The following ATP2B2 variants were observed in gnomAD, a reference collection of about 807,000 sequenced individuals.
ATP2B2 encodes the protein ATPase plasma membrane Ca2+ transporting 2.
In ATP2B2, 15 loss-of-function variants were observed where a neutral mutation model predicts 120.0. The ratio of observed to expected loss-of-function variants is 0.12; its 90% CI spans 0.08 to 0.19. The LOEUF (loss-of-function observed/expected upper bound fraction) is 0.19. Ranked by LOEUF, ATP2B2 falls within the 10% of genes least tolerant of loss-of-function variation. ATP2B2 has a pLI of 1.00. For synonymous variants in ATP2B2, 694 were observed against 700.3 expected, an observed-to-expected ratio of 0.99 and a Z score of 0.14; for missense variants, 1,045 against 1,719.8, an observed-to-expected ratio of 0.61 and a Z score of 6.94.
intron 9 of ATP2B2, 78 bp from the exon 10 acceptor site, chr3:10,378,488 G>A (rs2061439948): frequency 1.3e-6 from 2 of 1,569,958 alleles, no homozygotes; most frequent in Admixed American, 1.7e-5. Flanking sequence ...GGGTGGAGAC[G>A]CTGGCACCCA....
At chr3:10,365,192 C>T (rs2061008383) in intron 12 of ATP2B2, among the ~76,000 whole-genome samples, 1 of 152,248 alleles carries the variant, frequency 6.6e-6, no homozygotes, top group Non-Finnish European at 1.5e-5. Flanking sequence ...CTGCCTCTCT[C>T]CCTGGCAGAG....
At chr3:10,341,162 A>G (rs1160782367) in intron 19 of ATP2B2, among the ~76,000 whole-genome samples, 1 of 152,018 alleles carries the variant, frequency 6.6e-6, no homozygotes, top group Non-Finnish European at 1.5e-5. Context: ...AGAGATGCCA[A>G]TTCCTATATG....
intron 1 of ATP2B2, among the ~76,000 whole-genome samples, chr3:10,695,712 A>G (rs531502449): frequency 6.6e-6 from 1 of 152,352 alleles, no homozygotes; most frequent in East Asian, 1.9e-4. Flanking sequence ...CAGACAAGTG[A>G]GAGAACCAGC....
At chr3:10,697,568 A>G (rs915989935) in intron 1 of ATP2B2, among the ~76,000 whole-genome samples, 3 of 151,904 alleles carry the variant, frequency 2.0e-5, no homozygotes, top group Non-Finnish European at 4.4e-5. Context: ...TCCACGACAT[A>G]CCTCTGCCCA....
At position 10,328,120 on chromosome 3, in the gene ATP2B2, T is replaced by C. The variant is rs2059890937; in HGVS notation, c.*694A>G. 6.7e-6 allele frequency: 1 copy of C among 148,350 alleles called. No homozygotes were observed. The highest frequency in any genetic ancestry group is 1.5e-5 in the Non-Finnish European group (1 of 67,194). The allele number at this position is 148,350 out of a possible 1,614,324, so 9.2% of individuals were successfully genotyped here. A position where few individuals can be genotyped will look rare whatever the true frequency, so the allele number is the denominator to read the frequency against. The stretch of plus-strand genomic sequence containing the variant: ...AACTTTATATATCCATGTATATATA[T>C]TTATATATATATATATATATCTACC... On this transcript the variant is annotated 3_prime_UTR_variant, in exon 23 of 23. Transcript: ENST00000360273.
At chr3:10,482,823 C>T (rs1450728265) in intron 1 of ATP2B2, among the ~76,000 whole-genome samples, 1 of 152,234 alleles carries the variant, frequency 6.6e-6, no homozygotes, top group Non-Finnish European at 1.5e-5. Flanking sequence ...CTCCGTCTGC[C>T]ATCCCAGGCC....
intron 2 of ATP2B2, among the ~76,000 whole-genome samples, chr3:10,608,891 C>T (rs115240126): frequency 0.041 from 6,255 of 152,220 alleles, 198 homozygotes; most frequent in South Asian, 0.083. Context: ...AGGGAGCTGG[C>T]GTGCACAAGG....
intron 1 of ATP2B2, among the ~76,000 whole-genome samples, chr3:10,503,703 G>A (rs1458110559): frequency 6.6e-6 from 1 of 152,236 alleles, no homozygotes; most frequent in Non-Finnish European, 1.5e-5. Flanking sequence ...CATGCCATGT[G>A]CCTGCCAATG....
intron 1 of ATP2B2, among the ~76,000 whole-genome samples, chr3:10,486,198 C>T (rs1193650406): frequency 1.3e-5 from 2 of 152,212 alleles, no homozygotes; most frequent in Admixed American, 1.3e-4. Flanking sequence ...TTGCCACCCA[C>T]TAGCTGAGCG....
chr3:10,449,652 G>T lies in ATP2B2; in HGVS notation c.-109C>A. On this transcript the variant is annotated 5_prime_UTR_variant, in exon 2 of 23. Transcript: ENST00000360273. ...CTCAGCACACCCTCACTGGTCAGCT[G>T]TGGCACCAGGCGGCCGACTCCGGGT... 1.4e-6 allele frequency: 2 copies of T among 1,421,300 alleles called. No homozygotes were observed. The highest frequency in any genetic ancestry group is 2.0e-6 in the Non-Finnish European group (2 of 1,014,310). The allele number at this position is 1,421,300 out of a possible 1,614,324, so 88.0% of individuals were successfully genotyped here. A position where few individuals can be genotyped will look rare whatever the true frequency, so the allele number is the denominator to read the frequency against.
chr3:10,652,849 A>T (rs191994733), intron 1 of ATP2B2, among the ~76,000 whole-genome samples: 158 of 152,328 alleles, frequency 1.0e-3, no homozygotes, highest in African/African-American at 3.7e-3. Context: ...TCGCAAGAGG[A>T]CAAATACTGT....
chr3:10,406,818 C>T (rs2062429524), intron 3 of ATP2B2, among the ~76,000 whole-genome samples: 1 of 152,248 alleles, frequency 6.6e-6, no homozygotes. Flanking sequence ...CCCTGTCTTA[C>T]AGAGGGAGAA....
intron 12 of ATP2B2, among the ~76,000 whole-genome samples, chr3:10,370,608 G>A (rs532882660): frequency 3.9e-5 from 6 of 152,306 alleles, no homozygotes; most frequent in South Asian, 2.1e-4. Context: ...TGCAGGAGCC[G>A]CCTCCTCCTC....
rs1318415877 is a variant in ATP2B2, at chr3:10,671,563, G to A, written c.-460+36352C>T. 1.3e-4 allele frequency among the ~76,000 whole-genome samples: 20 copies of A among 152,088 alleles called. 1 individual carries two copies. The highest frequency in any genetic ancestry group is 1.3e-3 in the Admixed American group (20 of 15,268). The stretch of plus-strand genomic sequence containing the variant: ...GAGGAGTCTGAGAGTCTTTATTTAT[G>A]GAATTTATGGAAAGTCCCCAGGTGA... On this transcript the variant is annotated intron_variant, in intron 1 of 21. Transcript: ENST00000646379.
chr3:10,528,458 G>A (rs1171765078), intron 3 of ATP2B2, among the ~76,000 whole-genome samples: 1 of 152,128 alleles, frequency 6.6e-6, no homozygotes, highest in East Asian at 1.9e-4. Flanking sequence ...GCCCTATAAT[G>A]TGCCTGATCA....
Position 10,378,487 on chromosome 3 carries a change from C to A in ATP2B2, c.1043-77G>T, listed in dbSNP as rs2061439854. 10 of 1,576,780 alleles carry A rather than the reference C, an allele frequency of 6.3e-6. No homozygotes were observed. The South Asian group carries it at 1.1e-4, about 18-fold the overall frequency. Reference sequence around the variant, plus strand: ...TGCAGGTCAGCCCACAGGGTGGAGACGCTGGCACCCACCCCTGCCTGCCCA... The same window carrying A: ...TGCAGGTCAGCCCACAGGGTGGAGAAGCTGGCACCCACCCCTGCCTGCCCA... On this transcript the variant is annotated intron_variant, in intron 9 of 22. Coordinates refer to ENST00000360273, the MANE Select transcript of ATP2B2 (RefSeq NM_001001331.4).
intron 3 of ATP2B2, among the ~76,000 whole-genome samples, chr3:10,403,027 C>T (rs1001071668): frequency 6.6e-6 from 1 of 152,100 alleles, no homozygotes; most frequent in African/African-American, 2.4e-5. Context: ...GTTGGAGTCT[C>T]ATTACATTGC....
chr3:10,639,175 C>T (rs2070103982), intron 1 of ATP2B2, among the ~76,000 whole-genome samples: 1 of 152,150 alleles, frequency 6.6e-6, no homozygotes, highest in Non-Finnish European at 1.5e-5. Flanking sequence ...AAATTTAAAA[C>T]TTCTGCTCTC....
chr3:10,630,550 A>G (rs1033590347), intron 1 of ATP2B2, among the ~76,000 whole-genome samples: 6 of 151,962 alleles, frequency 3.9e-5, no homozygotes, highest in African/African-American at 1.5e-4. Flanking sequence ...TATGTACCAC[A>G]TTTTCTTTAT....
Sources: gnomAD v4.1 joint callset for allele counts (sites outside exome capture counted in the v4.1 genomes callset) on GRCh38, gnomAD v4.1.1 for gene constraint, MANE v1.5 for transcripts, NCBI Gene and HGNC (gene_info 2026-07-23, HGNC 2026-07-21) for gene names.